SLC24A3: variants seen among roughly 807,000 people sequenced by gnomAD.
The protein encoded by SLC24A3 is solute carrier family 24 member 3.
SLC24A3 carries 28 observed loss-of-function variants against 75.8 expected under a neutral mutation model. The observed-to-expected ratio is 0.37, with a 90% confidence interval of 0.27 to 0.51. The LOEUF (loss-of-function observed/expected upper bound fraction) is 0.51. Ranked by LOEUF, SLC24A3 falls within the 20% of genes least tolerant of loss-of-function variation. The pLI is 0.94. For missense variants in SLC24A3, 663 were observed against 847.8 expected (o/e 0.78, Z 2.71); for synonymous variants, 372 against 334.1 (o/e 1.11, Z -1.24).
chr20:19,536,184 A>C (rs1339306523), intron 3 of SLC24A3, among the ~76,000 whole-genome samples: 1 of 152,168 alleles, frequency 6.6e-6, no homozygotes. Context: ...CTCTCATTGG[A>C]AGTGAGTCTA....
At position 19,594,835 on chromosome 20, in the gene SLC24A3, G is replaced by A. The variant is rs546864918; in HGVS notation, c.612+9291G>A. 3.3e-5 allele frequency among the ~76,000 whole-genome samples: 5 copies of A among 152,296 alleles called. No individual in the cohort carries two copies. The East Asian group carries it at 5.8e-4, about 18-fold the overall frequency. Reference sequence around the variant, plus strand: ...GAAAAAGCAATACAGCATGGTAAGCGTTAAAGAAAGTACATGAGAGAGAAG... The same window carrying A: ...GAAAAAGCAATACAGCATGGTAAGCATTAAAGAAAGTACATGAGAGAGAAG... On this transcript the variant is annotated intron_variant, in intron 6 of 16. Transcript: ENST00000328041.
chr20:19,538,768 C>G lies in SLC24A3; in HGVS notation c.348+23204C>G, dbSNP rs139591437. Reference sequence around the variant, plus strand: ...TCCCTGATCCAACACCACTACTCCCCGAATCAACAGAAATTCATATATACA... The same window carrying G: ...TCCCTGATCCAACACCACTACTCCCGGAATCAACAGAAATTCATATATACA... On this transcript the variant is annotated intron_variant, in intron 3 of 16. Coordinates refer to ENST00000328041, the MANE Select transcript of SLC24A3 (RefSeq NM_020689.4). Among the ~76,000 whole-genome samples the G allele has an allele frequency of 4.5e-3, 692 of 152,232 alleles. 4 individuals are homozygous for G. The highest frequency in any genetic ancestry group is 7.2e-3 in the Non-Finnish European group (487 of 68,014).
At chr20:19,650,801 G>A (rs2032193797) in intron 6 of SLC24A3, among the ~76,000 whole-genome samples, 1 of 152,144 alleles carries the variant, frequency 6.6e-6, no homozygotes, top group African/African-American at 2.4e-5. Context: ...TGTTTACCTT[G>A]TGGCTTATAA....
At chr20:19,376,436 C>T (rs775045759) in intron 2 of SLC24A3, among the ~76,000 whole-genome samples, 17 of 152,120 alleles carry the variant, frequency 1.1e-4, no homozygotes, top group African/African-American at 4.1e-4. Context: ...GTGAGGCTTC[C>T]GAGTCATCTC....
rs755399518 is a variant in SLC24A3, at chr20:19,722,761, G to A, written c.*1621G>A. 9 of 152,724 alleles carry A rather than the reference G, an allele frequency of 5.9e-5. No individual in the cohort carries two copies. Among genetic ancestry groups the A allele is most frequent in the Middle Eastern group, 3.4e-3 (1 of 294 alleles). The allele number at this position is 152,724 out of a possible 1,614,324, so 9.5% of individuals were successfully genotyped here. A position where few individuals can be genotyped will look rare whatever the true frequency, so the allele number is the denominator to read the frequency against. ...TAACGGATGGGGCACGTGCCCAACTGAGGAACAGGAGAAGAAATCACCAAT... is the reference window on the plus strand; with the variant it reads ...TAACGGATGGGGCACGTGCCCAACTAAGGAACAGGAGAAGAAATCACCAAT... On this transcript the variant is annotated 3_prime_UTR_variant, in exon 17 of 17. Transcript: ENST00000328041.
intron 2 of SLC24A3, among the ~76,000 whole-genome samples, chr20:19,333,304 C>T (rs1775623826): frequency 1.3e-5 from 2 of 152,056 alleles, no homozygotes; most frequent in African/African-American, 4.8e-5. Flanking sequence ...TATCTTCCCC[C>T]CTGGACTTAA....
chr20:19,523,642 G>A (rs2030144045), intron 3 of SLC24A3, among the ~76,000 whole-genome samples: 1 of 152,234 alleles, frequency 6.6e-6, no homozygotes, highest in Non-Finnish European at 1.5e-5. Context: ...TGCCCTTGCA[G>A]TGAAACCCAT....
At chr20:19,589,896 T>A (rs2031350256) in intron 6 of SLC24A3, among the ~76,000 whole-genome samples, 1 of 152,088 alleles carries the variant, frequency 6.6e-6, no homozygotes, top group South Asian at 2.1e-4. Flanking sequence ...AAGACTGAAT[T>A]TGAGCTCACA....
Position 19,594,665 on chromosome 20 carries a change from T to C in SLC24A3, c.612+9121T>C, listed in dbSNP as rs571555299. On this transcript the variant is annotated intron_variant, in intron 6 of 16. Transcript: ENST00000328041. The stretch of plus-strand genomic sequence containing the variant: ...GATGTTAAATACTCAACAGAGGTGA[T>C]AGATTGGTAGGTAGGTGAGTGGGTG... Among the ~76,000 whole-genome samples the C allele has an allele frequency of 7.2e-5, 11 of 152,146 alleles. No individual in the cohort carries two copies. In the South Asian group the frequency reaches 2.1e-3, roughly 29 times the overall value.
chr20:19,216,620 A>G (rs1981564562), intron 1 of SLC24A3, among the ~76,000 whole-genome samples: 2 of 152,154 alleles, frequency 1.3e-5, no homozygotes, highest in African/African-American at 2.4e-5. Flanking sequence ...AAAACAGAAA[A>G]AAAGGAAAAA....
At chr20:19,504,486 ATT>A (rs1290736287) in intron 2 of SLC24A3, among the ~76,000 whole-genome samples, 6 of 152,204 alleles carry the variant, frequency 3.9e-5, no homozygotes, top group Non-Finnish European at 8.8e-5. Context: ...TTTCAAGTGC[ATT>A]TTTTTTCTAG....
intron 6 of SLC24A3, among the ~76,000 whole-genome samples, chr20:19,609,683 C>G (rs1214458627): frequency 6.6e-6 from 1 of 152,186 alleles, no homozygotes; most frequent in African/African-American, 2.4e-5. Flanking sequence ...GCTTTTGAAG[C>G]TAAAATCTCA....
At chr20:19,628,202 C>CAAAAAA (rs776701707) in intron 6 of SLC24A3, among the ~76,000 whole-genome samples, 163 of 48,980 alleles carry the variant, frequency 3.3e-3, no homozygotes, top group Middle Eastern at 0.012. Flanking sequence ...GACTCCATCT[C>CAAAAAA]AAAAAAAAAA....
intron 2 of SLC24A3, among the ~76,000 whole-genome samples, chr20:19,320,407 C>T (rs1377254064): frequency 1.3e-5 from 2 of 152,014 alleles, no homozygotes; most frequent in African/African-American, 4.8e-5. Flanking sequence ...TGGGCATCTG[C>T]TCATTTTTCT....
chr20:19,391,778 G>C (rs1600461265), intron 2 of SLC24A3, among the ~76,000 whole-genome samples: 1 of 152,268 alleles, frequency 6.6e-6, no homozygotes, highest in African/African-American at 2.4e-5. Flanking sequence ...TCTATGTCTG[G>C]AAAAGTCTCA....
At chr20:19,632,484 T>C (rs2031946674) in intron 6 of SLC24A3, among the ~76,000 whole-genome samples, 1 of 152,096 alleles carries the variant, frequency 6.6e-6, no homozygotes, top group South Asian at 2.1e-4. Context: ...CTCTCACTCA[T>C]CCCTCTGATC....
At chr20:19,562,557 T>C (rs2030891028) in intron 3 of SLC24A3, among the ~76,000 whole-genome samples, 1 of 152,182 alleles carries the variant, frequency 6.6e-6, no homozygotes, top group Non-Finnish European at 1.5e-5. Flanking sequence ...AGTAATCATA[T>C]GGTAATTATT....
intron 3 of SLC24A3, among the ~76,000 whole-genome samples, chr20:19,534,864 A>G (rs777303704): frequency 3.9e-5 from 6 of 152,238 alleles, no homozygotes; most frequent in Non-Finnish European, 8.8e-5. Flanking sequence ...TCAGGACACT[A>G]GTGAAAGAAT....
At chr20:19,547,248 A>G (rs1196636822) in intron 3 of SLC24A3, among the ~76,000 whole-genome samples, 5 of 152,226 alleles carry the variant, frequency 3.3e-5, no homozygotes, top group African/African-American at 1.2e-4. Flanking sequence ...TGAATGTCCT[A>G]TAAGCATTCA....
Sources: allele counts gnomAD v4.1 joint callset (sites outside exome capture counted in the v4.1 genomes callset), GRCh38; gene constraint gnomAD v4.1.1; transcripts MANE v1.5; gene names NCBI Gene and HGNC (gene_info 2026-07-23, HGNC 2026-07-21).